The following GRM5 variants were observed in gnomAD, a reference collection of about 807,000 sequenced individuals.
The protein encoded by GRM5 is metabotropic glutamate receptor 5.
In GRM5, 19 loss-of-function variants were observed where a neutral mutation model predicts 83.1. The ratio of observed to expected loss-of-function variants is 0.23; its 90% CI spans 0.16 to 0.34. GRM5 has a LOEUF of 0.34. Among genes scored for constraint, GRM5 ranks in the 10% least tolerant of loss-of-function variants. The pLI, the probability that GRM5 is intolerant of heterozygous loss-of-function variation, is 1.00. For missense variants in GRM5, 1,160 were observed against 1,588.3 expected (o/e 0.73, Z 4.58); for synonymous variants, 675 against 633.6 (o/e 1.07, Z -0.98).
At chr11:88,648,445 T>C (rs1326287556) in intron 4 of GRM5, among the ~76,000 whole-genome samples, 34 of 124,306 alleles carry the variant, frequency 2.7e-4, no homozygotes, top group African/African-American at 1.0e-3. Flanking sequence ...TAGGTGGGAA[T>C]TGAACAATGA....
intron 3 of GRM5, among the ~76,000 whole-genome samples, chr11:88,654,421 T>C (rs1939715485): frequency 6.6e-6 from 1 of 152,112 alleles, no homozygotes; most frequent in South Asian, 2.1e-4. Context: ...ATACACAGTT[T>C]GTGCTGTATA....
intron 2 of GRM5, among the ~76,000 whole-genome samples, chr11:89,006,604 T>C (rs1565332223): frequency 6.6e-6 from 1 of 152,210 alleles, no homozygotes; most frequent in Non-Finnish European, 1.5e-5. Flanking sequence ...CCTGACTGTC[T>C]CACTAAAGTC....
rs1944005949 is a variant in GRM5, at chr11:88,832,102, G to A, written c.911+17804C>T. ...GGAAATCACAGACAATACTGACACT[G>A]CCTATACCCAAAGAAATCATACAAA... On this transcript the variant is annotated intron_variant, in intron 3 of 9. Transcript: ENST00000305447. 4.6e-5 allele frequency among the ~76,000 whole-genome samples: 7 copies of A among 152,210 alleles called. No individual in the cohort carries two copies. In the South Asian group the frequency reaches 1.5e-3, roughly 32 times the overall value.
Position 88,719,951 on chromosome 11 carries a change from A to G in GRM5, c.912-66548T>C, listed in dbSNP as rs1941494773. 2.6e-5 allele frequency among the ~76,000 whole-genome samples: 4 copies of G among 152,068 alleles called. No individual in the cohort carries two copies. In the South Asian group the frequency reaches 6.2e-4, roughly 24 times the overall value. The stretch of plus-strand genomic sequence containing the variant: ...GTACATTTGTTTAGGTTCCTTATAG[A>G]TACTGGGTATTAGACCTTTGTCAGA... On this transcript the variant is annotated intron_variant, in intron 3 of 9. Transcript: ENST00000305447.
intron 3 of GRM5, among the ~76,000 whole-genome samples, chr11:88,812,381 C>G (rs1025721751): frequency 3.3e-5 from 5 of 152,042 alleles, no homozygotes; most frequent in African/African-American, 1.2e-4. Context: ...ATAGAATGTT[C>G]CAACTGGAGA....
chr11:88,508,974 C>A lies in GRM5; in HGVS notation c.3257G>T (p.Ser1086Ile). ...GCAGAGCGGGGCGCCGACGCCGGGGCTGGGGGCCGCGGTGGACAGCATCAT... is the reference window on the plus strand; with the variant it reads ...GCAGAGCGGGGCGCCGACGCCGGGGATGGGGGCCGCGGTGGACAGCATCAT... ...NSMMLSTAAP[S>I]PGVGAPLCSS... The change falls in exon 10 of 10, where the codon AGC becomes ATC. Residue 1086 changes from serine (S) to isoleucine (I), a missense_variant. By Grantham distance (142) the Ser-to-Ile change is moderately radical (BLOSUM62 -2). This residue lies in a region of GRM5 where 562 missense variants were observed against 532.4 expected (regional missense o/e 1.06). Coordinates refer to ENST00000305447, the MANE Select transcript of GRM5 (RefSeq NM_001143831.3). This position sits in a 1 kb window ranked among gnomAD's most constrained non-coding sequence, Gnocchi z 4.2. 3.2e-6 allele frequency: 5 copies of A among 1,585,752 alleles called. No homozygotes were observed. The highest frequency in any genetic ancestry group is 3.4e-6 in the Non-Finnish European group (4 of 1,165,912).
intron 3 of GRM5, among the ~76,000 whole-genome samples, chr11:88,786,906 T>C (rs773414957): frequency 2.6e-5 from 4 of 152,110 alleles, no homozygotes; most frequent in Non-Finnish European, 5.9e-5. Flanking sequence ...AGGCAATCTA[T>C]AAATGTTTGT....
chr11:88,725,723 G>T (rs1248952625), intron 3 of GRM5, among the ~76,000 whole-genome samples: 1 of 152,146 alleles, frequency 6.6e-6, no homozygotes, highest in Non-Finnish European at 1.5e-5. Flanking sequence ...TGCAGCCTTT[G>T]CTGGTAATAC....
chr11:88,838,627 C>G (rs1347196908), intron 3 of GRM5, among the ~76,000 whole-genome samples: 2 of 151,952 alleles, frequency 1.3e-5, no homozygotes, highest in South Asian at 4.2e-4. Flanking sequence ...CCTTTAAATC[C>G]CTAACAGTGA....
In GRM5 at chr11:88,596,066, C is replaced by G. The variant is rs564988596; in HGVS notation, c.1563+1118G>C. Reference sequence around the variant, plus strand: ...ATTTTAAAACCAACATGCCCACAAACTAACCAATCGCTTTTTCTCTAAAGC... The same window carrying G: ...ATTTTAAAACCAACATGCCCACAAAGTAACCAATCGCTTTTTCTCTAAAGC... On this transcript the variant is annotated intron_variant, in intron 6 of 9. Transcript: ENST00000305447. Among the ~76,000 whole-genome samples the G allele has an allele frequency of 7.7e-4, 117 of 152,236 alleles. 1 individual carries two copies. The highest frequency in any genetic ancestry group is 5.6e-3 in the Admixed American group (85 of 15,288).
intron 1 of GRM5, chr11:89,063,673 C>T (rs1366862788): frequency 6.6e-6 from 1 of 152,350 alleles, no homozygotes; most frequent in African/African-American, 2.4e-5. Context: ...CAGCAATCTC[C>T]CCGCTACTGA....
chr11:88,907,288 G>A (rs1403256357), intron 2 of GRM5, among the ~76,000 whole-genome samples: 1 of 152,032 alleles, frequency 6.6e-6, no homozygotes, highest in East Asian at 1.9e-4. Context: ...CAACAGCTGG[G>A]AGGCCACAGC....
At chr11:88,748,240 G>C (rs777751732) in intron 3 of GRM5, among the ~76,000 whole-genome samples, 1 of 152,162 alleles carries the variant, frequency 6.6e-6, no homozygotes, top group Non-Finnish European at 1.5e-5. Context: ...GGCACACACA[G>C]AGACTGGGAG....
At chr11:88,924,702 C>T (rs560143262) in intron 2 of GRM5, among the ~76,000 whole-genome samples, 49 of 151,576 alleles carry the variant, frequency 3.2e-4, no homozygotes, top group African/African-American at 1.1e-3. Context: ...CTTGCAGCTA[C>T]GTAAAATGAA....
chr11:88,992,902 A>G (rs532886580), intron 2 of GRM5, among the ~76,000 whole-genome samples: 1 of 151,826 alleles, frequency 6.6e-6, no homozygotes, highest in African/African-American at 2.4e-5. Flanking sequence ...GCAGTAGAAG[A>G]TATACCGAAT....
At chr11:88,923,736 T>G (rs1244916049) in intron 2 of GRM5, among the ~76,000 whole-genome samples, 3 of 151,924 alleles carry the variant, frequency 2.0e-5, no homozygotes, top group Non-Finnish European at 2.9e-5. Flanking sequence ...GATAAATGCC[T>G]GAGGTGATGA....
intron 2 of GRM5, among the ~76,000 whole-genome samples, chr11:89,043,116 CCTG>C (rs1941568515): frequency 6.6e-6 from 1 of 152,100 alleles, no homozygotes; most frequent in Non-Finnish European, 1.5e-5. Flanking sequence ...CTTACAAGTG[CCTG>C]CTATTTATCC....
intron 3 of GRM5, among the ~76,000 whole-genome samples, chr11:88,683,001 A>G (rs1940532933): frequency 6.6e-6 from 1 of 151,944 alleles, no homozygotes; most frequent in African/African-American, 2.4e-5. Flanking sequence ...TTTTACATCA[A>G]TTTCATTACA....
chr11:88,598,946 T>C (rs1268374116), intron 5 of GRM5, among the ~76,000 whole-genome samples: 4 of 152,168 alleles, frequency 2.6e-5, no homozygotes, highest in Non-Finnish European at 5.9e-5. Flanking sequence ...CTCAGTGAGG[T>C]TAATTAGTAC....
Sources: allele counts gnomAD v4.1 joint callset (sites outside exome capture counted in the v4.1 genomes callset), GRCh38; gene constraint gnomAD v4.1.1; regional missense constraint gnomAD v4.1.1; non-coding constraint Gnocchi (gnomAD v3.1); transcripts MANE v1.5; gene names NCBI Gene and HGNC (gene_info 2026-07-23, HGNC 2026-07-21).